STX8: variants seen among roughly 807,000 people sequenced by gnomAD.
STX8 encodes syntaxin-8.
In STX8, 23 loss-of-function variants were observed where a neutral mutation model predicts 37.5. The ratio of observed to expected loss-of-function variants is 0.61; its 90% CI spans 0.44 to 0.87. The LOEUF (loss-of-function observed/expected upper bound fraction) is 0.87, where lower values mean the gene tolerates loss of function less well. STX8 is among the 40% of genes least tolerant of loss of function. The probability of loss-of-function intolerance (pLI) is 0.00; values close to 1 mark genes in which losing one functional copy is unlikely to be tolerated. For missense variants in STX8, 313 were observed against 284.7 expected (o/e 1.10, Z -0.71); for synonymous variants, 115 against 99.1 (o/e 1.16, Z -0.95).
In STX8 at chr17:9,277,266, G is replaced by A. The variant is rs189023271; in HGVS notation, c.644-26621C>T. On this transcript the variant is annotated intron_variant, in intron 7 of 7. Transcript: ENST00000306357. ...TGTCACTCTGGAGAATGTCCCTACC[G>A]CTATTTCTCAAATGAGAGGACCTGA... Among the ~76,000 whole-genome samples, 31 of 152,242 alleles carry A rather than the reference G, an allele frequency of 2.0e-4. 1 individual carries two copies. Among genetic ancestry groups the A allele is most frequent in the Admixed American group, 7.2e-4 (11 of 15,302 alleles).
intron 4 of STX8, among the ~76,000 whole-genome samples, chr17:9,515,214 T>C (rs1280439632): frequency 1.3e-5 from 2 of 149,072 alleles, no homozygotes; most frequent in African/African-American, 5.2e-5. Context: ...ATACCAATTA[T>C]TGCATTTTTT....
intron 6 of STX8, among the ~76,000 whole-genome samples, chr17:9,386,298 A>G (rs1327629066): frequency 6.6e-6 from 1 of 152,202 alleles, no homozygotes; most frequent in Non-Finnish European, 1.5e-5. Flanking sequence ...CTAAATCTCA[A>G]AAAGTTTTGT....
chr17:9,471,288 A>AT (rs1905856151), intron 6 of STX8, among the ~76,000 whole-genome samples: 1 of 150,306 alleles, frequency 6.7e-6, no homozygotes, highest in Admixed American at 6.7e-5. Context: ...AGTAGCTGGG[A>AT]TTACAGGCGC....
At chr17:9,545,759 T>C (rs768041888) in intron 3 of STX8, among the ~76,000 whole-genome samples, 1 of 152,204 alleles carries the variant, frequency 6.6e-6, no homozygotes, top group Non-Finnish European at 1.5e-5. Context: ...TTTTGTATTT[T>C]TATTAGAGAC....
intron 4 of STX8, among the ~76,000 whole-genome samples, chr17:9,530,188 G>A (rs1905758705): frequency 6.6e-6 from 1 of 151,918 alleles, no homozygotes; most frequent in Non-Finnish European, 1.5e-5. Flanking sequence ...ACGGGCGCCT[G>A]TAGTCCCAGC....
chr17:9,429,710 T>A (rs1319433057), intron 6 of STX8, among the ~76,000 whole-genome samples: 5 of 103,004 alleles, frequency 4.9e-5, no homozygotes, highest in African/African-American at 1.9e-4. Context: ...CTCAAAAAAA[T>A]ATATATTATA....
chr17:9,420,455 C>A (rs1021790882), intron 6 of STX8, among the ~76,000 whole-genome samples: 9 of 151,686 alleles, frequency 5.9e-5, no homozygotes, highest in Admixed American at 5.9e-4. Context: ...CTCTCCTTCT[C>A]CAGGGAGGAC....
At chr17:9,266,833 G>A (rs535382300) in intron 7 of STX8, among the ~76,000 whole-genome samples, 11 of 152,272 alleles carry the variant, frequency 7.2e-5, no homozygotes, top group South Asian at 2.1e-4. Flanking sequence ...ATGAGAGAGC[G>A]GCCAGACGTG....
intron 7 of STX8, among the ~76,000 whole-genome samples, chr17:9,303,089 C>T (rs142762847): frequency 0.023 from 3,458 of 151,436 alleles, 135 homozygotes; most frequent in African/African-American, 0.08. Context: ...GTCAAGAGAT[C>T]GAGACCATCC....
At chr17:9,471,907 C>A (rs1174309955) in intron 6 of STX8, among the ~76,000 whole-genome samples, 1 of 152,152 alleles carries the variant, frequency 6.6e-6, no homozygotes, top group Non-Finnish European at 1.5e-5. Context: ...TAACTACAGT[C>A]CATTCCCGCT....
At chr17:9,462,491 G>A (rs1905438196) in intron 6 of STX8, among the ~76,000 whole-genome samples, 1 of 152,182 alleles carries the variant, frequency 6.6e-6, no homozygotes, top group Admixed American at 6.5e-5. Context: ...GGAGGCCGAG[G>A]TGGGAGGATC....
intron 4 of STX8, among the ~76,000 whole-genome samples, chr17:9,514,998 C>T (rs1299115260): frequency 1.3e-5 from 2 of 152,214 alleles, no homozygotes; most frequent in African/African-American, 4.8e-5. Flanking sequence ...AAAACATTTA[C>T]TTCGTAGTTA....
intron 2 of STX8, among the ~76,000 whole-genome samples, chr17:9,559,760 A>ATATATATATATATATAT: frequency 4.1e-5 from 1 of 24,494 alleles, no homozygotes; most frequent in Non-Finnish European, 6.2e-5. Context: ...ATATATATAT[A>ATATATATATATATATAT]TTTTTTTTTT....
At chr17:9,475,289 A>T (rs1906053586) in intron 6 of STX8, among the ~76,000 whole-genome samples, 1 of 152,190 alleles carries the variant, frequency 6.6e-6, no homozygotes. Context: ...CAATAAACCA[A>T]AACTGGGGGT....
At chr17:9,411,895 G>A (rs908589259) in intron 6 of STX8, among the ~76,000 whole-genome samples, 5 of 152,040 alleles carry the variant, frequency 3.3e-5, no homozygotes, top group East Asian at 3.9e-4. Flanking sequence ...AAAAATATTC[G>A]AGAGGGTTGC....
chr17:9,454,781 G>T (rs1370128608), intron 6 of STX8, among the ~76,000 whole-genome samples: 1 of 152,012 alleles, frequency 6.6e-6, no homozygotes, highest in Non-Finnish European at 1.5e-5. Context: ...CACAGAAAGC[G>T]AAACCACATA....
intron 6 of STX8, among the ~76,000 whole-genome samples, chr17:9,429,392 A>G (rs150482913): frequency 6.9e-6 from 1 of 144,828 alleles, no homozygotes; most frequent in Admixed American, 7.1e-5. Flanking sequence ...ATATTTATAT[A>G]TTATAAATAT....
At chr17:9,540,379 T>C (rs930119987) in intron 4 of STX8, among the ~76,000 whole-genome samples, 1 of 152,202 alleles carries the variant, frequency 6.6e-6, no homozygotes, top group African/African-American at 2.4e-5. Context: ...AATTTTCTTA[T>C]TGATCAGACT....
At position 9,557,525 on chromosome 17, in the gene STX8, T is replaced by C. The variant is rs764614059; in HGVS notation, c.121A>G (p.Thr41Ala). The change falls in exon 3 of 8, where the codon ACC (threonine) becomes GCC (alanine). Residue 41 changes from threonine to alanine, a missense_variant. Physicochemically the swap from Thr to Ala is moderately conservative, Grantham distance 58 (BLOSUM62 0). Transcript: ENST00000306357. ...TGCAACAAAGCTCTGATTGTCACGG[T>C]AAGCTGAAAAGAAAAGAACACATCC... ...ERKGEKAPKL[T>A]VTIRALLQNL... 1.9e-6 allele frequency: 3 copies of C among 1,613,912 alleles called. No individual in the cohort carries two copies. In the Admixed American group the frequency reaches 5.0e-5, roughly 27 times the overall value.
Sources: allele counts gnomAD v4.1 joint callset (sites outside exome capture counted in the v4.1 genomes callset), GRCh38; gene constraint gnomAD v4.1.1; transcripts MANE v1.5; gene names NCBI Gene and HGNC (gene_info 2026-07-23, HGNC 2026-07-21).